The following NMNAT2 variants were observed in gnomAD, a reference collection of about 807,000 sequenced individuals.
NMNAT2 encodes the protein nicotinamide nucleotide adenylyltransferase 2.
NMNAT2 carries 11 observed loss-of-function variants against 41.6 expected under a neutral mutation model. That is an observed-to-expected ratio of 0.26 (90% CI 0.17 to 0.44). The LOEUF is 0.44. Ranked by LOEUF, NMNAT2 falls within the 20% of genes least tolerant of loss-of-function variation. The pLI is 1.00. For synonymous variants in NMNAT2, 148 were observed against 151.2 expected, an observed-to-expected ratio of 0.98 and a Z score of 0.16; for missense variants, 288 against 407.7, an observed-to-expected ratio of 0.71 and a Z score of 2.53.
At chr1:183,370,065 C>G (rs566205989) in intron 1 of NMNAT2, among the ~76,000 whole-genome samples, 1 of 152,164 alleles carries the variant, frequency 6.6e-6, no homozygotes, top group South Asian at 2.1e-4. Flanking sequence ...TCCTTAACGC[C>G]TCCTGCATTC....
At chr1:183,369,944 C>A (rs1321337692) in intron 1 of NMNAT2, among the ~76,000 whole-genome samples, 1 of 152,054 alleles carries the variant, frequency 6.6e-6, no homozygotes, top group African/African-American at 2.4e-5. Flanking sequence ...GGAAACACCA[C>A]GAGCAAACAG....
At chr1:183,341,228 T>C (rs1298739199) in intron 1 of NMNAT2, among the ~76,000 whole-genome samples, 2 of 152,180 alleles carry the variant, frequency 1.3e-5, no homozygotes, top group Non-Finnish European at 2.9e-5. Flanking sequence ...TGTGGCTCAC[T>C]GTGAGACTCT....
intron 8 of NMNAT2, among the ~76,000 whole-genome samples, chr1:183,266,275 C>G (rs1019166805): frequency 6.6e-6 from 1 of 152,102 alleles, no homozygotes; most frequent in Non-Finnish European, 1.5e-5. Flanking sequence ...ATTTGCTTGC[C>G]TTTTTTAGTC....
At chr1:183,401,010 A>G (rs1349170061) in intron 1 of NMNAT2, among the ~76,000 whole-genome samples, 2 of 152,232 alleles carry the variant, frequency 1.3e-5, no homozygotes, top group Admixed American at 1.3e-4. Flanking sequence ...ATGGGCAAGG[A>G]CTTAATGACT....
intron 1 of NMNAT2, among the ~76,000 whole-genome samples, chr1:183,366,471 C>A (rs1368920022): frequency 3.9e-5 from 6 of 152,214 alleles, no homozygotes; most frequent in Non-Finnish European, 8.8e-5. Context: ...ACTCTGCTAG[C>A]CACTGTTGAT....
At chr1:183,283,107 G>A (rs1661310078) in intron 7 of NMNAT2, 2 of 152,164 alleles carry the variant, frequency 1.3e-5, no homozygotes, top group South Asian at 4.1e-4. Flanking sequence ...CAAGTGCTCA[G>A]GACAAACCCT....
rs148739591 is a variant in NMNAT2 at position 183,370,259 on chromosome 1, C to T, written c.85+47924G>A. ...ACACACACACACACACACACACACACACACACACACACACACAGGCTGCAG... is the reference window on the plus strand; with the variant it reads ...ACACACACACACACACACACACACATACACACACACACACACAGGCTGCAG... On this transcript the variant is annotated intron_variant, in intron 1 of 10. Transcript: ENST00000287713. 3.5e-3 allele frequency among the ~76,000 whole-genome samples: 523 copies of T among 150,000 alleles called. 3 individuals carry two copies. The highest frequency in any genetic ancestry group is 6.4e-3 in the Non-Finnish European group (434 of 67,802).
intron 1 of NMNAT2, among the ~76,000 whole-genome samples, chr1:183,343,642 G>T (rs902580846): frequency 6.6e-6 from 1 of 152,116 alleles, no homozygotes; most frequent in Non-Finnish European, 1.5e-5. Flanking sequence ...TTGAGATAAG[G>T]CACTAGCACT....
chr1:183,390,576 T>C (rs886777675), intron 1 of NMNAT2, among the ~76,000 whole-genome samples: 2 of 152,214 alleles, frequency 1.3e-5, no homozygotes, highest in African/African-American at 4.8e-5. Flanking sequence ...GGCTGCTGTT[T>C]ACAAGGTAGT....
At chr1:183,289,167 G>C (rs1304306154) in intron 4 of NMNAT2, among the ~76,000 whole-genome samples, 1 of 152,232 alleles carries the variant, frequency 6.6e-6, no homozygotes, top group Non-Finnish European at 1.5e-5. Flanking sequence ...GGACACAGAT[G>C]GGACATGGGC....
At chr1:183,341,193 G>A (rs1312025788) in intron 1 of NMNAT2, among the ~76,000 whole-genome samples, 1 of 152,118 alleles carries the variant, frequency 6.6e-6, no homozygotes, top group East Asian at 1.9e-4. Context: ...GGTAGATTGA[G>A]CGCTGCGAGT....
At chr1:183,260,071 T>C (rs1660619216) in intron 10 of NMNAT2, among the ~76,000 whole-genome samples, 1 of 152,216 alleles carries the variant, frequency 6.6e-6, no homozygotes, top group African/African-American at 2.4e-5. Context: ...TTTGGGTTAG[T>C]AATAGAGCAT....
At chr1:183,282,278 T>C (rs1363954914) in intron 7 of NMNAT2, among the ~76,000 whole-genome samples, 9 of 152,168 alleles carry the variant, frequency 5.9e-5, no homozygotes, top group Admixed American at 5.9e-4. Context: ...CCCAGCAGCA[T>C]TTTTGGTCCC....
At chr1:183,393,148 T>C (rs757169518) in intron 1 of NMNAT2, among the ~76,000 whole-genome samples, 3 of 152,210 alleles carry the variant, frequency 2.0e-5, no homozygotes, top group Non-Finnish European at 4.4e-5. Context: ...GGAAGATAAA[T>C]TCCTTCTCAG....
chr1:183,359,255 C>T (rs1167616320), intron 1 of NMNAT2, among the ~76,000 whole-genome samples: 2 of 152,136 alleles, frequency 1.3e-5, no homozygotes, highest in Non-Finnish European at 2.9e-5. Context: ...CAATTACCAA[C>T]AGATTATGTT....
chr1:183,360,219 C>T (rs955542035), intron 1 of NMNAT2, among the ~76,000 whole-genome samples: 7 of 152,092 alleles, frequency 4.6e-5, no homozygotes, highest in African/African-American at 1.7e-4. Context: ...ATTCCTGGAA[C>T]AGAGGAAATA....
rs2102265104 is a variant in NMNAT2 at position 183,249,250 on chromosome 1, G to A, written c.*3391C>T. 6.6e-6 allele frequency: 1 copy of A among 152,412 alleles called. No individual in the cohort carries two copies. Among genetic ancestry groups the A allele is most frequent in the East Asian group, 1.9e-4 (1 of 5,186 alleles). The allele number at this position is 152,412 out of a possible 1,614,324, so 9.4% of individuals were successfully genotyped here. On this transcript the variant is annotated 3_prime_UTR_variant, in exon 11 of 11. Coordinates refer to ENST00000287713, the MANE Select transcript of NMNAT2 (RefSeq NM_015039.4). Reference sequence around the variant, plus strand: ...CAAGAAGGCTCTAGAGGCTGCCTGGGGTTGGGGGTGTGTGACTGAGGTACC... The same window carrying A: ...CAAGAAGGCTCTAGAGGCTGCCTGGAGTTGGGGGTGTGTGACTGAGGTACC...
intron 1 of NMNAT2, among the ~76,000 whole-genome samples, chr1:183,381,835 G>A (rs1223026707): frequency 3.9e-5 from 6 of 152,094 alleles, no homozygotes; most frequent in South Asian, 2.1e-4. Flanking sequence ...TATGAGTTAC[G>A]AATTATTATA....
chr1:183,304,849 CT>C, intron 1 of NMNAT2: 1 of 1,574,194 alleles, frequency 6.4e-7, no homozygotes, highest in South Asian at 1.2e-5. Context: ...GTTTGCTCCA[CT>C]ACCTCCAGCT....
Sources: gnomAD v4.1 joint callset for allele counts (sites outside exome capture counted in the v4.1 genomes callset) on GRCh38, gnomAD v4.1.1 for gene constraint, MANE v1.5 for transcripts, NCBI Gene and HGNC (gene_info 2026-07-23, HGNC 2026-07-21) for gene names.